The following IFT57 variants were observed in gnomAD, a reference collection of about 807,000 sequenced individuals.
IFT57 encodes intraflagellar transport protein 57 homolog.
IFT57 carries 59 observed loss-of-function variants against 56.8 expected under a neutral mutation model. The ratio of observed to expected loss-of-function variants is 1.04; its 90% CI spans 0.84 to 1.29. The LOEUF (loss-of-function observed/expected upper bound fraction) is 1.29, where lower values mean the gene tolerates loss of function less well. Ranked by LOEUF, IFT57 falls within the 50% of genes most tolerant of loss-of-function variation. The pLI, the probability that IFT57 is intolerant of heterozygous loss-of-function variation, is 0.00. For synonymous variants in IFT57, 209 were observed against 186.1 expected (o/e 1.12, Z -1.00); for missense variants, 470 against 522.1 (o/e 0.90, Z 0.97).
intron 8 of IFT57, 73 bp from the exon 9 acceptor site, chr3:108,165,566 G>T: frequency 8.6e-7 from 1 of 1,166,620 alleles, no homozygotes; most frequent in Non-Finnish European, 1.3e-6. Context: ...ACCTCTTTGT[G>T]TTTGCAATTT....
intron 5 of IFT57, among the ~76,000 whole-genome samples, chr3:108,196,589 A>G (rs1338143038): frequency 6.6e-6 from 1 of 152,146 alleles, no homozygotes; most frequent in Non-Finnish European, 1.5e-5. Flanking sequence ...TACCTTTACT[A>G]GCTTATTATT....
At chr3:108,209,066 G>A (rs2080329020) in intron 4 of IFT57, among the ~76,000 whole-genome samples, 1 of 152,178 alleles carries the variant, frequency 6.6e-6, no homozygotes, top group Non-Finnish European at 1.5e-5. Context: ...GGGGAATACA[G>A]AATAGGTAGT....
intron 6 of IFT57, among the ~76,000 whole-genome samples, chr3:108,171,059 A>G (rs984822552): frequency 6.6e-6 from 1 of 151,922 alleles, no homozygotes; most frequent in Admixed American, 6.6e-5. Context: ...CACTTTGCTA[A>G]CTACACTATT....
intron 6 of IFT57, among the ~76,000 whole-genome samples, chr3:108,178,815 C>G (rs1252030725): frequency 6.6e-6 from 1 of 151,792 alleles, no homozygotes; most frequent in African/African-American, 2.4e-5. Context: ...TATCCACTTT[C>G]AAAATTTATT....
At chr3:108,221,880 C>T in intron 1 of IFT57, 3 of 769,466 alleles carry the variant, frequency 3.9e-6, no homozygotes, top group Non-Finnish European at 3.9e-6. Flanking sequence ...TCTTCCGATC[C>T]TTTCTGCCGT....
chr3:108,219,482 G>C lies in IFT57; in HGVS notation c.303C>G (p.Pro101=), dbSNP rs958718771. The change falls in exon 2 of 11, where the codon CCC becomes CCG. Residue 101 remains proline (P), a synonymous_variant. Coordinates refer to ENST00000264538, the MANE Select transcript of IFT57 (RefSeq NM_018010.4). ...CATCATATTCTTGAGGCTGCTCAAA[G>C]GGACGTCCCGCTTTATTAATCAACC... ...AAWLINKAGR[P]FEQPQEYDDP... 1 of 1,613,800 alleles carries C rather than the reference G, an allele frequency of 6.2e-7. No individual in the cohort carries two copies. Among genetic ancestry groups the C allele is most frequent in the South Asian group, 1.1e-5 (1 of 91,070 alleles).
intron 5 of IFT57, among the ~76,000 whole-genome samples, chr3:108,195,663 T>C (rs562699338): frequency 6.6e-6 from 1 of 152,304 alleles, no homozygotes; most frequent in Admixed American, 6.5e-5. Flanking sequence ...ATTTTGTCAT[T>C]TGTAGCAACA....
chr3:108,199,531 AG>A, intron 5 of IFT57, among the ~76,000 whole-genome samples: 1 of 152,250 alleles, frequency 6.6e-6, no homozygotes, highest in East Asian at 1.9e-4. Flanking sequence ...GGAGGAAAAA[AG>A]AGTTAAGTAC....
intron 6 of IFT57, among the ~76,000 whole-genome samples, chr3:108,188,006 G>A (rs1313033248): frequency 6.7e-6 from 1 of 148,750 alleles, no homozygotes; most frequent in Non-Finnish European, 1.5e-5. Context: ...TGTTACGTAT[G>A]TAGCATGTGC....
intron 5 of IFT57, among the ~76,000 whole-genome samples, chr3:108,197,477 C>G (rs78188038): frequency 1.1e-3 from 173 of 152,246 alleles, no homozygotes; most frequent in African/African-American, 3.9e-3. Context: ...CAGTGGGGCA[C>G]ACCATCGAAG....
At chr3:108,189,587 C>G (rs1055009294) in intron 6 of IFT57, among the ~76,000 whole-genome samples, 3 of 152,036 alleles carry the variant, frequency 2.0e-5, no homozygotes, top group Non-Finnish European at 4.4e-5. Flanking sequence ...GAAAATTCTC[C>G]TTCAGTTTTT....
chr3:108,189,706 G>T (rs558154402), intron 6 of IFT57, among the ~76,000 whole-genome samples: 1 of 151,962 alleles, frequency 6.6e-6, no homozygotes, highest in Non-Finnish European at 1.5e-5. Flanking sequence ...GTTGACCCTC[G>T]AACAATGCAG....
At chr3:108,165,190 G>A (rs574368143) in intron 9 of IFT57, among the ~76,000 whole-genome samples, 1 of 152,174 alleles carries the variant, frequency 6.6e-6, no homozygotes, top group Admixed American at 6.5e-5. Context: ...AATTATAAGT[G>A]TGCTAATATT....
intron 5 of IFT57, among the ~76,000 whole-genome samples, chr3:108,196,560 C>A (rs971989641): frequency 5.3e-5 from 8 of 152,038 alleles, no homozygotes; most frequent in African/African-American, 1.9e-4. Flanking sequence ...TTATGTTGGG[C>A]CCTTTAGTAA....
rs771364343 is a variant in IFT57, at chr3:108,219,397, C to A, written c.375+13G>T. 1.3e-5 allele frequency: 21 copies of A among 1,606,404 alleles called. No individual in the cohort carries two copies. Among genetic ancestry groups the A allele is most frequent in the Admixed American group, 5.0e-5 (3 of 59,914 alleles). On this transcript the variant is annotated intron_variant, in intron 2 of 10. Coordinates refer to ENST00000264538, the MANE Select transcript of IFT57 (RefSeq NM_018010.4). The stretch of plus-strand genomic sequence containing the variant: ...CTTGAGAACAAGGAAAAAGAAGGGT[C>A]GTTTACACTTACAAATGACCGAAGC...
chr3:108,219,737 C>T (rs1289753), intron 1 of IFT57, among the ~76,000 whole-genome samples, 165 bp from the exon 2 acceptor site: 68,964 of 151,960 alleles, frequency 0.45, 16,110 homozygotes, highest in Middle Eastern at 0.55. Context: ...TAATCCACAG[C>T]ACTCACATTG....
chr3:108,177,957 T>C (rs2080132618), intron 6 of IFT57, among the ~76,000 whole-genome samples: 1 of 151,790 alleles, frequency 6.6e-6, no homozygotes, highest in African/African-American at 2.4e-5. Context: ...GCCTACTGTT[T>C]AAAGTGAATT....
intron 3 of IFT57, among the ~76,000 whole-genome samples, chr3:108,214,448 C>A (rs759285326): frequency 6.6e-6 from 1 of 152,202 alleles, no homozygotes; most frequent in East Asian, 1.9e-4. Context: ...TATCATTACA[C>A]ATACCATTTA....
intron 5 of IFT57, among the ~76,000 whole-genome samples, chr3:108,192,099 G>A (rs1224057204): frequency 1.3e-5 from 2 of 150,712 alleles, no homozygotes; most frequent in African/African-American, 2.4e-5. Flanking sequence ...GTAAACCCGG[G>A]AGGCGGAGCT....
Sources: allele counts gnomAD v4.1 joint callset (sites outside exome capture counted in the v4.1 genomes callset), GRCh38; gene constraint gnomAD v4.1.1; transcripts MANE v1.5; gene names NCBI Gene and HGNC (gene_info 2026-07-23, HGNC 2026-07-21).